Variants in RHBDD1 observed in about 807,000 individuals in gnomAD.
The protein encoded by RHBDD1 is rhomboid-related protein 4.
Under a neutral mutation model 36.3 loss-of-function variants are expected in RHBDD1, and 38 were observed. The ratio of observed to expected loss-of-function variants is 1.05; its 90% CI spans 0.81 to 1.37. RHBDD1 has a LOEUF of 1.37. Ranked by LOEUF, RHBDD1 falls within the 40% of genes most tolerant of loss-of-function variation. The probability of loss-of-function intolerance (pLI) is 0.00; values close to 1 mark genes in which losing one functional copy is unlikely to be tolerated. For synonymous variants in RHBDD1, 151 were observed against 136.5 expected (o/e 1.11, Z -0.74); for missense variants, 393 against 377.6 (o/e 1.04, Z -0.34).
intron 5 of RHBDD1, among the ~76,000 whole-genome samples, chr2:226,882,630 C>G (rs1945865418): frequency 6.6e-6 from 1 of 151,882 alleles, no homozygotes; most frequent in South Asian, 2.1e-4. Context: ...CCCCGAACCT[C>G]ACACCTAATT....
At chr2:226,868,956 G>T (rs1030749837) in intron 5 of RHBDD1, among the ~76,000 whole-genome samples, 6 of 152,170 alleles carry the variant, frequency 3.9e-5, no homozygotes, top group African/African-American at 1.2e-4. Context: ...TGACTTGCTT[G>T]ATGTGACTTG....
intron 3 of RHBDD1, among the ~76,000 whole-genome samples, chr2:226,854,605 A>AC (rs1471271379): frequency 6.6e-6 from 1 of 151,428 alleles, no homozygotes; most frequent in African/African-American, 2.4e-5. Context: ...TGTTTCGAAA[A>AC]AAAAAAAAAA....
At chr2:226,948,273 T>G (rs985484773) in intron 8 of RHBDD1, among the ~76,000 whole-genome samples, 6 of 148,408 alleles carry the variant, frequency 4.0e-5, no homozygotes, top group African/African-American at 1.5e-4. Context: ...TGTAGGGACA[T>G]GGATGAAATT....
chr2:226,956,152 C>A (rs1449416657), intron 8 of RHBDD1, among the ~76,000 whole-genome samples: 3 of 152,152 alleles, frequency 2.0e-5, no homozygotes, highest in African/African-American at 7.2e-5. Context: ...GAACCTCACA[C>A]TGTTTCTCAA....
intron 8 of RHBDD1, among the ~76,000 whole-genome samples, chr2:226,993,083 T>A (rs898171149): frequency 6.6e-6 from 1 of 152,198 alleles, no homozygotes; most frequent in African/African-American, 2.4e-5. Flanking sequence ...TGCAAATGGG[T>A]CCAAGGCCGT....
intron 5 of RHBDD1, among the ~76,000 whole-genome samples, chr2:226,900,921 CAATGT>C (rs908328398): frequency 8.5e-5 from 13 of 152,204 alleles, no homozygotes; most frequent in Admixed American, 5.2e-4. Context: ...TTCAAGTGTA[CAATGT>C]AATGTATTAT....
Position 226,988,420 on chromosome 2 carries a change from C to T in RHBDD1, c.857-7011C>T, listed in dbSNP as rs1237307716. ...ACAAAGGACCCAGATGCCTGGGAAG[C>T]CTGAAGCAGGCCGCAGTTTGGACCT... On this transcript the variant is annotated intron_variant, in intron 8 of 8. Transcript: ENST00000392062. 3.9e-6 allele frequency: 6 copies of T among 1,550,356 alleles called. No homozygotes were observed. The African/African-American group carries it at 8.2e-5, about 21-fold the overall frequency.
intron 3 of RHBDD1, among the ~76,000 whole-genome samples, chr2:226,847,164 C>T (rs1942312600): frequency 6.6e-6 from 1 of 152,230 alleles, no homozygotes; most frequent in Non-Finnish European, 1.5e-5. Flanking sequence ...ATTTGCACTT[C>T]TGCTCAAATT....
chr2:226,840,399 C>A (rs755125719), intron 3 of RHBDD1, among the ~76,000 whole-genome samples: 2 of 152,116 alleles, frequency 1.3e-5, no homozygotes, highest in Non-Finnish European at 2.9e-5. Flanking sequence ...GTTACATGCA[C>A]CTCATAATTA....
chr2:226,930,620 CA>C (rs1325475792), intron 8 of RHBDD1, among the ~76,000 whole-genome samples: 2 of 151,794 alleles, frequency 1.3e-5, no homozygotes, highest in African/African-American at 4.8e-5. Flanking sequence ...GCAAATGCAA[CA>C]AAAACAAAAA....
At chr2:226,917,493 G>A (rs1948996576) in intron 8 of RHBDD1, among the ~76,000 whole-genome samples, 1 of 152,056 alleles carries the variant, frequency 6.6e-6, no homozygotes, top group Non-Finnish European at 1.5e-5. Flanking sequence ...TTATTTTGAA[G>A]CCAAGGGTTT....
chr2:226,858,131 T>C (rs1258495587), intron 3 of RHBDD1, among the ~76,000 whole-genome samples: 3 of 152,172 alleles, frequency 2.0e-5, no homozygotes, highest in Admixed American at 6.5e-5. Flanking sequence ...GTACTGAGTT[T>C]GAGTGATAAG....
At chr2:226,803,685 A>C in the RHBDD1 span, among the ~76,000 whole-genome samples, 1 of 152,212 alleles carries the variant, frequency 6.6e-6, no homozygotes, top group Non-Finnish European at 1.5e-5. Flanking sequence ...TGACATAAAC[A>C]TTATCAGTTA....
the RHBDD1 span, chr2:226,805,159 G>GT: frequency 3.9e-5 from 6 of 152,156 alleles, no homozygotes; most frequent in Non-Finnish European, 7.3e-5. Flanking sequence ...TGCCACTAAT[G>GT]TTTTTGGTCA....
chr2:226,852,730 C>T (rs1054762277), intron 3 of RHBDD1, among the ~76,000 whole-genome samples: 4 of 152,008 alleles, frequency 2.6e-5, no homozygotes, highest in African/African-American at 9.6e-5. Flanking sequence ...ATTGCTCTAC[C>T]TTGTCTCTTT....
chr2:226,977,154 G>A (rs1954752957), intron 8 of RHBDD1, among the ~76,000 whole-genome samples: 1 of 152,196 alleles, frequency 6.6e-6, no homozygotes, highest in African/African-American at 2.4e-5. Flanking sequence ...TGAGGAACTT[G>A]AGGCCCAGAG....
intron 5 of RHBDD1, among the ~76,000 whole-genome samples, chr2:226,886,073 C>G (rs1946177100): frequency 6.6e-6 from 1 of 152,040 alleles, no homozygotes; most frequent in South Asian, 2.1e-4. Flanking sequence ...ATTTTCAGAC[C>G]AAGATTGATT....
chr2:226,907,664 A>T (rs1467221336), intron 6 of RHBDD1, among the ~76,000 whole-genome samples: 5 of 152,164 alleles, frequency 3.3e-5, no homozygotes, highest in Admixed American at 6.5e-5. Context: ...TGAGAACCAT[A>T]TAATATTCAT....
intron 8 of RHBDD1, among the ~76,000 whole-genome samples, chr2:226,978,310 C>A (rs1402444077): frequency 1.3e-5 from 2 of 152,054 alleles, no homozygotes; most frequent in African/African-American, 4.8e-5. Context: ...GCCTGCTAGC[C>A]CCCCATTAAA....
Sources: allele counts gnomAD v4.1 joint callset (sites outside exome capture counted in the v4.1 genomes callset), GRCh38; gene constraint gnomAD v4.1.1; transcripts MANE v1.5; gene names NCBI Gene and HGNC (gene_info 2026-07-23, HGNC 2026-07-21).